LRRC4C: variants seen among roughly 807,000 people sequenced by gnomAD.
LRRC4C encodes leucine rich repeat containing 4C.
LRRC4C carries 5 observed loss-of-function variants against 33.6 expected under a neutral mutation model. The ratio of observed to expected loss-of-function variants is 0.15; its 90% CI spans 0.08 to 0.31. The LOEUF is 0.31. Among genes scored for constraint, LRRC4C ranks in the 10% least tolerant of loss-of-function variants. The pLI is 1.00. For missense variants in LRRC4C, 560 were observed against 796.7 expected (o/e 0.70, Z 3.58); for synonymous variants, 329 against 302.0 (o/e 1.09, Z -0.93).
chr11:41,124,557 C>T (rs1374474305), intron 1 of LRRC4C, among the ~76,000 whole-genome samples: 4 of 151,522 alleles, frequency 2.6e-5, no homozygotes, highest in African/African-American at 9.7e-5. Flanking sequence ...CTCTTCTGCT[C>T]TCAGATTCTA....
At chr11:40,377,139 T>C (rs1198329091) in intron 3 of LRRC4C, among the ~76,000 whole-genome samples, 1 of 152,156 alleles carries the variant, frequency 6.6e-6, no homozygotes, top group Non-Finnish European at 1.5e-5. Context: ...ACTCAACTAA[T>C]GGCTTTGGGG....
intron 3 of LRRC4C, among the ~76,000 whole-genome samples, chr11:40,625,270 T>C (rs10768615): frequency 1 from 151,807 of 152,256 alleles, 75,681 homozygotes; most frequent in Middle Eastern, 1. Flanking sequence ...TGTATTAGTC[T>C]GTTCTCATGC....
chr11:41,336,886 A>G (rs1951473138), intron 1 of LRRC4C, among the ~76,000 whole-genome samples: 1 of 152,182 alleles, frequency 6.6e-6, no homozygotes, highest in Non-Finnish European at 1.5e-5. Context: ...AATCCTTAAA[A>G]TAGTTTAATG....
At chr11:40,206,049 T>C (rs184953363) in intron 5 of LRRC4C, among the ~76,000 whole-genome samples, 38 of 152,300 alleles carry the variant, frequency 2.5e-4, no homozygotes, top group African/African-American at 7.9e-4. Flanking sequence ...GACAGTACCT[T>C]GTATCCTAGG....
At chr11:40,382,080 C>T (rs940451423) in intron 3 of LRRC4C, among the ~76,000 whole-genome samples, 10 of 148,898 alleles carry the variant, frequency 6.7e-5, no homozygotes, top group Non-Finnish European at 1.5e-4. Context: ...CCTCAGCTTC[C>T]CAAGTAGCTG....
chr11:40,543,492 A>G (rs1956803234), intron 3 of LRRC4C, among the ~76,000 whole-genome samples: 1 of 152,110 alleles, frequency 6.6e-6, no homozygotes, highest in African/African-American at 2.4e-5. Context: ...ACAGACCCTC[A>G]GATGCCATTC....
chr11:41,027,489 C>T (rs955446728), intron 1 of LRRC4C, among the ~76,000 whole-genome samples: 1 of 151,634 alleles, frequency 6.6e-6, no homozygotes, highest in African/African-American at 2.4e-5. Flanking sequence ...TAGATGTAGA[C>T]AACTAATAAG....
chr11:40,855,160 C>A (rs943680742), intron 2 of LRRC4C, among the ~76,000 whole-genome samples: 1 of 152,166 alleles, frequency 6.6e-6, no homozygotes, highest in Non-Finnish European at 1.5e-5. Flanking sequence ...GGAGATACTT[C>A]TTTTCTTCCT....
intron 1 of LRRC4C, among the ~76,000 whole-genome samples, chr11:41,141,860 C>G (rs1317404072): frequency 6.6e-6 from 1 of 152,190 alleles, no homozygotes; most frequent in Admixed American, 6.5e-5. Context: ...CTCACATATG[C>G]TATTGGTGAG....
At chr11:41,314,784 A>T (rs1444615018) in intron 1 of LRRC4C, among the ~76,000 whole-genome samples, 1 of 152,074 alleles carries the variant, frequency 6.6e-6, no homozygotes, top group East Asian at 1.9e-4. Context: ...GTACCCTAGA[A>T]CTTAAAGTAT....
chr11:40,711,025 T>C (rs1946436643), intron 2 of LRRC4C, among the ~76,000 whole-genome samples: 1 of 152,192 alleles, frequency 6.6e-6, no homozygotes, highest in African/African-American at 2.4e-5. Flanking sequence ...TCTCCTGGTG[T>C]GCCATTTGCT....
At chr11:40,562,389 G>A (rs903798411) in intron 3 of LRRC4C, among the ~76,000 whole-genome samples, 2 of 152,192 alleles carry the variant, frequency 1.3e-5, no homozygotes, top group African/African-American at 4.8e-5. Flanking sequence ...AGAGGAATTT[G>A]ATGCAGAGGT....
At chr11:40,854,643 C>T (rs1953683642) in intron 2 of LRRC4C, among the ~76,000 whole-genome samples, 1 of 151,244 alleles carries the variant, frequency 6.6e-6, no homozygotes, top group South Asian at 2.1e-4. Flanking sequence ...TTTTGCTACC[C>T]TTGGCAAACC....
chr11:41,168,494 G>T (rs752175529), intron 1 of LRRC4C, among the ~76,000 whole-genome samples: 1 of 152,120 alleles, frequency 6.6e-6, no homozygotes, highest in South Asian at 2.1e-4. Context: ...TATCATCTAA[G>T]AATTGTTTTC....
intron 4 of LRRC4C, 75 bp downstream of exon 4, chr11:40,319,553 A>G (rs1344017842): frequency 1.3e-5 from 2 of 152,126 alleles, no homozygotes; most frequent in East Asian, 3.9e-4. Context: ...GACTTAGTGA[A>G]CCTCACTTTG....
chr11:40,811,646 C>T (rs1003993257), intron 2 of LRRC4C, among the ~76,000 whole-genome samples: 2 of 152,076 alleles, frequency 1.3e-5, no homozygotes, highest in Admixed American at 6.6e-5. Context: ...TACAGGCACA[C>T]ACCACCATGC....
At chr11:40,433,867 G>C (rs1366127529) in intron 3 of LRRC4C, among the ~76,000 whole-genome samples, 1 of 152,118 alleles carries the variant, frequency 6.6e-6, no homozygotes, top group East Asian at 1.9e-4. Context: ...AAAGTAGGAA[G>C]GAAGGACTGG....
intron 3 of LRRC4C, among the ~76,000 whole-genome samples, chr11:40,372,117 G>T (rs1167705666): frequency 6.6e-6 from 1 of 152,180 alleles, no homozygotes; most frequent in Non-Finnish European, 1.5e-5. Context: ...AAAAATATCT[G>T]TGACTGAGAC....
chr11:40,203,769 A>G (rs1295939835), intron 5 of LRRC4C, among the ~76,000 whole-genome samples: 2 of 152,206 alleles, frequency 1.3e-5, no homozygotes, highest in Non-Finnish European at 2.9e-5. Flanking sequence ...CTCCCTCACT[A>G]AAAATGCAGG....
Sources: allele counts gnomAD v4.1 joint callset (sites outside exome capture counted in the v4.1 genomes callset), GRCh38; gene constraint gnomAD v4.1.1; transcripts MANE v1.5; gene names NCBI Gene and HGNC (gene_info 2026-07-23, HGNC 2026-07-21).